PSORS1C1: variants seen among roughly 807,000 people sequenced by gnomAD.
PSORS1C1 encodes psoriasis susceptibility 1 candidate 1.
Under a neutral mutation model 9.4 loss-of-function variants are expected in PSORS1C1, and 7 were observed. The observed-to-expected ratio is 0.75, with a 90% CI of 0.42 to 1.40. The LOEUF is 1.40. Ranked by LOEUF, PSORS1C1 falls within the 40% of genes most tolerant of loss-of-function variation. The pLI, the probability that PSORS1C1 is intolerant of heterozygous loss-of-function variation, is 0.01. For missense variants in PSORS1C1, 146 were observed against 178.1 expected (o/e 0.82, Z 1.02); for synonymous variants, 63 against 69.4 (o/e 0.91, Z 0.46).
rs1341970613 is a variant in PSORS1C1, at chr6:31,139,928, T to C, written c.455T>C (p.Ile152Thr). 1.2e-6 allele frequency: 2 copies of C among 1,610,030 alleles called. No homozygotes were observed. The highest frequency in any genetic ancestry group is 1.7e-6 in the Non-Finnish European group (2 of 1,178,274). ...TCTCCTTTTGGTCTCAGCTCCTTGATCTAAGCCTCCCAGAGAGACCCCTAG... is the reference window on the plus strand; with the variant it reads ...TCTCCTTTTGGTCTCAGCTCCTTGACCTAAGCCTCCCAGAGAGACCCCTAG... ...SHSPFGLSSL[I>T] Residue 152 changes from isoleucine (I) to threonine (T), a missense_variant, in exon 6 of 6, where the codon ATC becomes ACC. By Grantham distance (89) the Ile-to-Thr change is moderately conservative. Coordinates refer to ENST00000259881, the MANE Select transcript of PSORS1C1 (RefSeq NM_014068.3). The surrounding 1 kb of genome is among the most constrained non-coding windows in gnomAD (Gnocchi z 5.2).
intron 3 of PSORS1C1, among the ~76,000 whole-genome samples, chr6:31,134,551 C>G (rs575299546): frequency 2.0e-5 from 3 of 152,122 alleles, no homozygotes; most frequent in African/African-American, 7.2e-5. Context: ...GTGATTCGCC[C>G]GCCTTGGCCT....
intron 1 of PSORS1C1, chr6:31,117,388 C>G: frequency 6.4e-7 from 1 of 1,568,630 alleles, no homozygotes; most frequent in Non-Finnish European, 8.6e-7. Flanking sequence ...GGAAATGGAG[C>G]TGCCAGAACT....
chr6:31,133,658 C>T (rs986093582), intron 3 of PSORS1C1: 3 of 152,198 alleles, frequency 2.0e-5, no homozygotes, highest in Non-Finnish European at 2.9e-5. Context: ...CGTTGGCGCT[C>T]GCTCATGTCA....
intron 1 of PSORS1C1, among the ~76,000 whole-genome samples, chr6:31,119,386 A>T (rs1772342207): frequency 6.6e-6 from 1 of 152,160 alleles, no homozygotes. Flanking sequence ...ACCACCCACT[A>T]GACCATGGGA....
intron 1 of PSORS1C1, chr6:31,117,286 G>T: frequency 6.3e-7 from 1 of 1,598,530 alleles, no homozygotes; most frequent in Admixed American, 1.7e-5. Flanking sequence ...GGAATACCCC[G>T]TTCCTGGCTT....
intron 2 of PSORS1C1, among the ~76,000 whole-genome samples, chr6:31,129,053 C>T (rs1041967780): frequency 3.3e-5 from 5 of 152,214 alleles, no homozygotes; most frequent in African/African-American, 1.2e-4. Flanking sequence ...GGCAGACAAC[C>T]ATCTCTTCTG....
intron 3 of PSORS1C1, among the ~76,000 whole-genome samples, chr6:31,135,073 C>A (rs1773084737): frequency 6.6e-6 from 1 of 152,178 alleles, no homozygotes; most frequent in South Asian, 2.1e-4. Flanking sequence ...GATTCGGCCT[C>A]CCGAAGTGCT....
chr6:31,117,422 A>C (rs1438626434), intron 1 of PSORS1C1: 1 of 1,564,798 alleles, frequency 6.4e-7, no homozygotes, highest in Non-Finnish European at 8.7e-7. Context: ...TAGCTACTGA[A>C]ACCGCTGGAG....
In PSORS1C1 at chr6:31,138,708, C is replaced by G. The variant is rs749948651; in HGVS notation, c.96C>G (p.Ser32Arg). The part of the protein sequence containing the change: ...QGPQLLNTDP[S>R]SEETRPPHVN... The stretch of plus-strand genomic sequence containing the variant: ...CCCAGCTCCTTAACACAGATCCCAG[C>G]TCCGAGGAAACTCGTCCCCCCCACG... Residue 32 changes from serine to arginine, a missense_variant, in exon 5 of 6, where the codon AGC becomes AGG. By Grantham distance (110) the Ser-to-Arg change is moderately radical. Transcript: ENST00000259881. 1.2e-6 allele frequency: 2 copies of G among 1,606,822 alleles called. No individual in the cohort carries two copies. Among genetic ancestry groups the G allele is most frequent in the Non-Finnish European group, 1.7e-6 (2 of 1,177,890 alleles).
At chr6:31,131,382 G>A (rs1331794424) in intron 3 of PSORS1C1, among the ~76,000 whole-genome samples, 13 of 151,832 alleles carry the variant, frequency 8.6e-5, no homozygotes, top group African/African-American at 2.7e-4. Flanking sequence ...TCACGAGGTC[G>A]GGAGTTCAAG....
chr6:31,120,447 G>A (rs764702522), intron 1 of PSORS1C1: 3 of 1,538,312 alleles, frequency 2.0e-6, no homozygotes, highest in Non-Finnish European at 2.6e-6. Flanking sequence ...CCTGACTGAT[G>A]GCAGCTCAAG....
At chr6:31,122,846 G>T (rs933186813) in intron 1 of PSORS1C1, among the ~76,000 whole-genome samples, 1 of 152,110 alleles carries the variant, frequency 6.6e-6, no homozygotes, top group Non-Finnish European at 1.5e-5. Context: ...AGACTCTCAG[G>T]CTTGGCTCCC....
At chr6:31,130,085 C>A (rs1423910841) in intron 3 of PSORS1C1, among the ~76,000 whole-genome samples, 1 of 151,986 alleles carries the variant, frequency 6.6e-6, no homozygotes, top group Non-Finnish European at 1.5e-5. Context: ...GAGCAAGAAC[C>A]TGTCTCAAAA....
intron 3 of PSORS1C1, among the ~76,000 whole-genome samples, chr6:31,130,778 G>A (rs1023056920): frequency 1.3e-5 from 2 of 152,046 alleles, no homozygotes; most frequent in African/African-American, 2.4e-5. Context: ...AAACTCCTGA[G>A]CTCAAGCGAT....
rs9278991 is a variant in PSORS1C1 at position 31,139,946 on chromosome 6, AC to A, written c.*18del. 259,424 of 1,599,782 alleles carry A rather than the reference AC, an allele frequency of 0.16. 21,723 individuals are homozygous for A. The highest frequency in any genetic ancestry group is 0.18 in the Middle Eastern group (1,062 of 6,020). ...TCCTTGATCTAAGCCTCCCAGAGAG[AC>A]CCCTAGAACGTTTCCCTCAAGGACC... On this transcript the variant is annotated 3_prime_UTR_variant, in exon 6 of 6. Coordinates refer to ENST00000259881, the MANE Select transcript of PSORS1C1 (RefSeq NM_014068.3). This position sits in a 1 kb window ranked among gnomAD's most constrained non-coding sequence, Gnocchi z 5.2.
chr6:31,116,181 A>T, intron 1 of PSORS1C1: 1 of 1,613,034 alleles, frequency 6.2e-7, no homozygotes, highest in South Asian at 1.1e-5. Flanking sequence ...CAGCGGAGGG[A>T]TCAGGATGGG....
rs1055593307 is a variant in PSORS1C1, at chr6:31,117,581, C to T, written c.-229+2690C>T. On this transcript the variant is annotated intron_variant, in intron 1 of 5. Coordinates refer to ENST00000259881, the MANE Select transcript of PSORS1C1 (RefSeq NM_014068.3). Reference sequence around the variant, plus strand: ...GGGCCAAGGAGGCTTGGCTTCCTCCCTCACCTTTCTGCCTTATCTCAGTCA... The same window carrying T: ...GGGCCAAGGAGGCTTGGCTTCCTCCTTCACCTTTCTGCCTTATCTCAGTCA... 1.1e-5 allele frequency: 16 copies of T among 1,460,090 alleles called. No individual in the cohort carries two copies. In the African/African-American group the frequency reaches 1.7e-4, roughly 15 times the overall value. 90.4% of individuals were successfully genotyped at this position (1,460,090 alleles called of 1,614,324 possible).
rs374244467 is a variant in PSORS1C1, at chr6:31,129,655, C to G, written c.13+10C>G. 4.1e-4 allele frequency: 319 copies of G among 779,862 alleles called. 2 individuals carry two copies. Among genetic ancestry groups the G allele is most frequent in the East Asian group, 3.3e-3 (138 of 41,242 alleles). 48.3% of individuals were successfully genotyped at this position (779,862 alleles called of 1,614,324 possible). On this transcript the variant is annotated intron_variant, in intron 3 of 5. Transcript: ENST00000259881. ...GATATGACTTGCACAGGTGAGTTAC[C>G]TCTCTCAGTGTTGGTTCCTCTTCTG...
intron 1 of PSORS1C1, chr6:31,117,690 A>C (rs1422930232): frequency 1.6e-6 from 1 of 644,830 alleles, no homozygotes; most frequent in Non-Finnish European, 2.7e-6. Context: ...TTGTCTCTAA[A>C]GGATATTGAG....
Sources: allele counts gnomAD v4.1 joint callset (sites outside exome capture counted in the v4.1 genomes callset), GRCh38; gene constraint gnomAD v4.1.1; non-coding constraint Gnocchi (gnomAD v3.1); transcripts MANE v1.5; gene names NCBI Gene and HGNC (gene_info 2026-07-23, HGNC 2026-07-21).